R3HCC1L: variants seen among roughly 807,000 people sequenced by gnomAD.
R3HCC1L encodes the protein coiled-coil domain-containing protein R3HCC1L.
A neutral mutation model predicts 59.9 loss-of-function variants in R3HCC1L; 51 were observed. The ratio of observed to expected loss-of-function variants is 0.85; its 90% confidence interval spans 0.68 to 1.07. The LOEUF (loss-of-function observed/expected upper bound fraction) is 1.07, where lower values mean the gene tolerates loss of function less well. Ranked by LOEUF, R3HCC1L falls within the 50% of genes least tolerant of loss-of-function variation. The probability of loss-of-function intolerance (pLI) is 0.00; values close to 1 mark genes in which losing one functional copy is unlikely to be tolerated. For synonymous variants in R3HCC1L, 322 were observed against 315.2 expected, an observed-to-expected ratio of 1.02 and a Z score of -0.23; for missense variants, 965 against 933.0, an observed-to-expected ratio of 1.03 and a Z score of -0.45.
intron 4 of R3HCC1L, among the ~76,000 whole-genome samples, chr10:98,170,862 T>C (rs980114661): frequency 1.3e-5 from 2 of 152,208 alleles, no homozygotes; most frequent in Non-Finnish European, 2.9e-5. Flanking sequence ...TCTAAAACTT[T>C]CTGGGTAGGG....
rs1199171210 is a variant in R3HCC1L at position 98,159,886 on chromosome 10, TATTGCTTCTAGGCCTTCTCAGCTGAC to T, written c.-212-2994_-212-2969del. Among the ~76,000 whole-genome samples, 12 of 152,310 alleles carry T rather than the reference TATTGCTTCTAGGCCTTCTCAGCTGAC, an allele frequency of 7.9e-5. No individual in the cohort carries two copies. In the East Asian group the frequency reaches 2.1e-3, roughly 27 times the overall value. On this transcript the variant is annotated intron_variant, in intron 2 of 9. Coordinates refer to ENST00000298999, the MANE Select transcript of R3HCC1L (RefSeq NM_001351015.2). ...CTCTAGATGTCCTGGTTGCAACTGT[TATTGCTTCTAGGCCTTCTCAGCTGAC>T]ATCTGGGAAATAGGTATATGTGAGA...
intron 4 of R3HCC1L, among the ~76,000 whole-genome samples, chr10:98,195,956 G>T (rs751194886): frequency 3.9e-5 from 6 of 152,126 alleles, no homozygotes; most frequent in Non-Finnish European, 8.8e-5. Flanking sequence ...TTTTGTACAG[G>T]CTTTAATACT....
Position 98,209,747 on chromosome 10 carries a change from T to G in R3HCC1L, c.1633T>G (p.Phe545Val). ...AGGGAGTATAGAATTTGGTGTATCTTTTCCTGATAGGGAATCATCATCTAT... is the reference window on the plus strand; with the variant it reads ...AGGGAGTATAGAATTTGGTGTATCTGTTCCTGATAGGGAATCATCATCTAT... ...DSGSIEFGVS[F>V]PDRESSSMET... Residue 545 changes from phenylalanine (F) to valine (V), a missense_variant, in exon 5 of 10, where the codon TTT (phenylalanine) becomes GTT (valine). Transcript: ENST00000298999. The G allele has an allele frequency of 6.2e-7, 1 of 1,613,946 alleles. No individual in the cohort carries two copies. Among genetic ancestry groups the G allele is most frequent in the East Asian group, 2.2e-5 (1 of 44,854 alleles).
At chr10:98,134,955 C>T (rs1344706738) in intron 1 of R3HCC1L, among the ~76,000 whole-genome samples, 3 of 152,174 alleles carry the variant, frequency 2.0e-5, no homozygotes, top group East Asian at 1.9e-4. Context: ...CACTGGGGCT[C>T]GTGCTCGCTT....
At chr10:98,148,720 C>A (rs893294780) in intron 1 of R3HCC1L, among the ~76,000 whole-genome samples, 2 of 152,158 alleles carry the variant, frequency 1.3e-5, no homozygotes, top group African/African-American at 2.4e-5. Context: ...ATCTTTGCCT[C>A]CCTGGGATGA....
intron 4 of R3HCC1L, among the ~76,000 whole-genome samples, chr10:98,176,440 T>G (rs1286519516): frequency 6.6e-6 from 1 of 152,206 alleles, no homozygotes; most frequent in African/African-American, 2.4e-5. Flanking sequence ...GTTTTCAGCA[T>G]AGATTGTACA....
In R3HCC1L at chr10:98,208,988, A is replaced by G. The variant is rs748366245; in HGVS notation, c.874A>G (p.Ile292Val). The change falls in exon 5 of 10, where the codon ATA (isoleucine) becomes GTA (valine). Residue 292 changes from isoleucine to valine, a missense_variant. Physicochemically the swap from Ile to Val is conservative, Grantham distance 29. Transcript: ENST00000298999. ...TTTTGAAGTTGAGAGTGTAGGTGGT[A>G]TAGCCAATAGTACAGGTTTCATCTT... is the stretch of plus-strand genomic sequence containing the variant. ...VDFEVESVGGIANSTGFILDQ... is the reference protein window; with the variant it reads ...VDFEVESVGGVANSTGFILDQ... 6 of 1,613,904 alleles carry G rather than the reference A, an allele frequency of 3.7e-6. No individual in the cohort carries two copies. The African/African-American group carries it at 4.0e-5, about 11-fold the overall frequency.
At chr10:98,163,206 G>A (rs968765083) in intron 3 of R3HCC1L, 87 bp from the exon 4 acceptor site, 1 of 379,930 alleles carries the variant, frequency 2.6e-6, no homozygotes, top group Non-Finnish European at 4.8e-6. Context: ...TTTACAAAGT[G>A]AGACAATGAA....
At chr10:98,143,713 G>A (rs1241213077) in intron 1 of R3HCC1L, among the ~76,000 whole-genome samples, 5 of 152,128 alleles carry the variant, frequency 3.3e-5, no homozygotes, top group Non-Finnish European at 7.4e-5. Context: ...ACTTCATAAT[G>A]TCATGTAGTT....
chr10:98,153,000 C>G (rs1257498313), intron 1 of R3HCC1L, among the ~76,000 whole-genome samples: 2 of 149,268 alleles, frequency 1.3e-5, no homozygotes, highest in African/African-American at 4.9e-5. Context: ...GGTGGGGGCC[C>G]GCCTCCGCCC....
intron 5 of R3HCC1L, among the ~76,000 whole-genome samples, chr10:98,217,633 T>G (rs1854368250): frequency 6.6e-6 from 1 of 152,228 alleles, no homozygotes; most frequent in Non-Finnish European, 1.5e-5. Context: ...CAGTATTAAT[T>G]TTTCCAGTTC....
At chr10:98,207,843 T>G (rs1852883494) in intron 4 of R3HCC1L, among the ~76,000 whole-genome samples, 1 of 152,086 alleles carries the variant, frequency 6.6e-6, no homozygotes, top group African/African-American at 2.4e-5. Flanking sequence ...ACCCGGTCTC[T>G]ACCAGAAATA....
rs750565455 is a variant in R3HCC1L at position 98,209,387 on chromosome 10, C to T, written c.1273C>T (p.Leu425Phe). ...FVGMSADATPLHVARSGNDTE... is the reference protein window; with the variant it reads ...FVGMSADATPFHVARSGNDTE... ...AGGAATGAGTGCAGATGCAACCCCT[C>T]TTCATGTAGCTAGAAGTGGGAATGA... Residue 425 changes from leucine to phenylalanine, a missense_variant, in exon 5 of 10, where the codon CTT becomes TTT. Leu to Phe is a conservative substitution (Grantham distance 22). Transcript: ENST00000298999. 1 of 1,613,940 alleles carries T rather than the reference C, an allele frequency of 6.2e-7. No individual in the cohort carries two copies. Among genetic ancestry groups the T allele is most frequent in the South Asian group, 1.1e-5 (1 of 91,070 alleles).
intron 9 of R3HCC1L, 113 bp downstream of exon 9, chr10:98,236,277 A>C: frequency 7.4e-7 from 1 of 1,351,648 alleles, no homozygotes; most frequent in Admixed American, 2.6e-5. Flanking sequence ...TGTTTCCTAG[A>C]AGCCTCCTAA....
At chr10:98,187,730 CTTT>C (rs755546581) in intron 4 of R3HCC1L, among the ~76,000 whole-genome samples, 3 of 95,156 alleles carry the variant, frequency 3.2e-5, no homozygotes, top group Admixed American at 1.1e-4. Flanking sequence ...TGTAACAATT[CTTT>C]TTTTTTTTTT....
chr10:98,174,233 T>C (rs916826240), intron 4 of R3HCC1L, among the ~76,000 whole-genome samples: 1 of 152,172 alleles, frequency 6.6e-6, no homozygotes, highest in Non-Finnish European at 1.5e-5. Context: ...TTAATGTTTT[T>C]CATGTGTCGG....
At chr10:98,174,609 G>A (rs894277645) in intron 4 of R3HCC1L, 19 of 985,094 alleles carry the variant, frequency 1.9e-5, no homozygotes, top group Non-Finnish European at 2.3e-5. Context: ...AACTCATTTA[G>A]GAGGGCGTTA....
At chr10:98,158,835 G>T (rs573160515) in intron 2 of R3HCC1L, among the ~76,000 whole-genome samples, 6 of 151,148 alleles carry the variant, frequency 4.0e-5, no homozygotes, top group Admixed American at 4.0e-4. Context: ...GGAGATGGGG[G>T]TCTCACTGTT....
chr10:98,243,996 T>C (rs1364649052), intron 9 of R3HCC1L, 95 bp from the exon 10 acceptor site: 3 of 1,032,240 alleles, frequency 2.9e-6, no homozygotes, highest in Non-Finnish European at 4.5e-6. Flanking sequence ...TATCCACTTG[T>C]CTCATGACTA....
Sources: gnomAD v4.1 joint callset for allele counts (sites outside exome capture counted in the v4.1 genomes callset) on GRCh38, gnomAD v4.1.1 for gene constraint, MANE v1.5 for transcripts, NCBI Gene and HGNC (gene_info 2026-07-23, HGNC 2026-07-21) for gene names.